Variants in FSD2 observed in about 807,000 individuals in gnomAD.
The protein encoded by FSD2 is fibronectin type III and SPRY domain containing 2, also known as fibronectin type III and SPRY domain-containing protein 2.
A neutral mutation model predicts 80.4 loss-of-function variants in FSD2; 71 were observed. The observed-to-expected ratio is 0.88, with a 90% CI of 0.73 to 1.08. The LOEUF is 1.08. Ranked by LOEUF, FSD2 falls within the 50% of genes least tolerant of loss-of-function variation. FSD2 has a pLI of 0.00. For synonymous variants in FSD2, 361 were observed against 329.5 expected (o/e 1.10, Z -1.03); for missense variants, 923 against 913.8 (o/e 1.01, Z -0.13).
intron 7 of FSD2, 45 bp from the exon 8 acceptor site, chr15:82,769,929 A>T (rs1281918385): frequency 6.2e-7 from 1 of 1,608,174 alleles, no homozygotes; most frequent in Admixed American, 1.7e-5. Context: ...AAACTGGCCA[A>T]GTGGCTCCAA....
At chr15:82,781,639 G>A (rs1218043817) in intron 4 of FSD2, among the ~76,000 whole-genome samples, 2 of 152,126 alleles carry the variant, frequency 1.3e-5, no homozygotes, top group East Asian at 1.9e-4. Flanking sequence ...TTTTTTGCAT[G>A]TCTGAGTTCG....
At chr15:82,790,983 G>A (rs994076944) in intron 1 of FSD2, among the ~76,000 whole-genome samples, 1 of 151,700 alleles carries the variant, frequency 6.6e-6, no homozygotes, top group Admixed American at 6.6e-5. Context: ...TAGTGGTTTC[G>A]TTTTTTGTTT....
Position 82,786,548 on chromosome 15 carries a change from A to G in FSD2, c.698T>C (p.Phe233Ser). The G allele has an allele frequency of 6.2e-7, 1 of 1,613,646 alleles. No individual in the cohort carries two copies. Among genetic ancestry groups the G allele is most frequent in the Non-Finnish European group, 8.5e-7 (1 of 1,179,710 alleles). The change falls in exon 3 of 13, where the codon TTT becomes TCT. Residue 233 changes from phenylalanine (F) to serine (S), a missense_variant. Phe to Ser is a radical substitution (Grantham distance 155, BLOSUM62 -2). Transcript: ENST00000334574. ...GAAAACCTCCTCCAAATGATTTGCA[A>G]AGTTTTCCATCTCAATTATCTGCTT... Reference protein sequence around the residue: ...LEKQIIEMENFANHLEEVFIT... With the variant: ...LEKQIIEMENSANHLEEVFIT...
chr15:82,779,126 CAG>C (rs2049790011), intron 5 of FSD2, among the ~76,000 whole-genome samples: 1 of 152,038 alleles, frequency 6.6e-6, no homozygotes, highest in South Asian at 2.1e-4. Flanking sequence ...AAGGTCATGT[CAG>C]AGGGTGGGTA....
intron 4 of FSD2, among the ~76,000 whole-genome samples, chr15:82,780,627 C>G (rs113490990): frequency 0.016 from 2,455 of 151,920 alleles, 69 homozygotes; most frequent in African/African-American, 0.057. Context: ...GCCACCGTGC[C>G]TGGCTGGAAA....
intron 7 of FSD2, among the ~76,000 whole-genome samples, chr15:82,770,467 C>T (rs964765513): frequency 6.6e-6 from 1 of 152,066 alleles, no homozygotes. Flanking sequence ...GTCAGGAGAT[C>T]GAGACCATCC....
intron 4 of FSD2, among the ~76,000 whole-genome samples, chr15:82,780,781 A>G (rs1293184083): frequency 6.6e-6 from 1 of 152,080 alleles, no homozygotes; most frequent in East Asian, 1.9e-4. Flanking sequence ...TAAACATAGA[A>G]GAAAACTTGG....
chr15:82,762,066 CAAATTTT>C, intron 12 of FSD2, 29 bp downstream of exon 12: 2 of 1,513,136 alleles, frequency 1.3e-6, no homozygotes, highest in Non-Finnish European at 1.8e-6. Context: ...CTTTCAAAAG[CAAATTTT>C]AATTGTGAGT....
Position 82,769,740 on chromosome 15 carries a change from A to G in FSD2, c.1402+10T>C. The G allele has an allele frequency of 6.2e-7, 1 of 1,601,076 alleles. No homozygotes were observed. The highest frequency in any genetic ancestry group is 8.5e-7 in the Non-Finnish European group (1 of 1,169,664). The stretch of plus-strand genomic sequence containing the variant: ...GAAAGCCCTGCTATAGGAAATGAGT[A>G]GCCCATTACCTGTCATGTACACTGC... On this transcript the variant is annotated intron_variant, in intron 8 of 12. Coordinates refer to ENST00000334574, the MANE Select transcript of FSD2 (RefSeq NM_001007122.4).
Position 82,772,244 on chromosome 15 carries a change from A to C in FSD2, c.1112-16T>G. Reference sequence around the variant, plus strand: ...GCAGAAGGAGCTAGGAAAAGAAAAGAAAAAAGAAGAGGAACCTCTAATAGA... The same window carrying C: ...GCAGAAGGAGCTAGGAAAAGAAAAGCAAAAAGAAGAGGAACCTCTAATAGA... On this transcript the variant is annotated splice_polypyrimidine_tract_variant and intron_variant, in intron 6 of 12. Coordinates refer to ENST00000334574, the MANE Select transcript of FSD2 (RefSeq NM_001007122.4). The C allele has an allele frequency of 6.3e-7, 1 of 1,598,478 alleles. No homozygotes were observed. The highest frequency in any genetic ancestry group is 1.1e-5 in the South Asian group (1 of 88,280).
At chr15:82,775,265 G>A (rs1249800769) in intron 6 of FSD2, among the ~76,000 whole-genome samples, 2 of 151,820 alleles carry the variant, frequency 1.3e-5, no homozygotes, top group Admixed American at 1.3e-4. Flanking sequence ...AGGCATGGTA[G>A]CGGGTGCCTG....
intron 11 of FSD2, among the ~76,000 whole-genome samples, chr15:82,763,012 C>T (rs1178440961): frequency 6.6e-6 from 1 of 152,200 alleles, no homozygotes; most frequent in Non-Finnish European, 1.5e-5. Context: ...TTTCTCTCTA[C>T]TTTCAAAACC....
At chr15:82,762,515 G>C (rs530075367) in intron 11 of FSD2, among the ~76,000 whole-genome samples, 2 of 152,154 alleles carry the variant, frequency 1.3e-5, no homozygotes, top group Non-Finnish European at 2.9e-5. Context: ...TAAACCAACA[G>C]AACAAGTTTT....
intron 1 of FSD2, among the ~76,000 whole-genome samples, chr15:82,788,334 A>G (rs1298821322): frequency 1.9e-5 from 2 of 104,246 alleles, no homozygotes; most frequent in South Asian, 6.3e-4. Flanking sequence ...TGTCTCTACC[A>G]AAAATACAAA....
chr15:82,778,525 C>G (rs1238968071), intron 6 of FSD2, among the ~76,000 whole-genome samples: 2 of 151,852 alleles, frequency 1.3e-5, no homozygotes, highest in East Asian at 3.9e-4. Flanking sequence ...TTGTGGTTGC[C>G]AGGGGCTTGG....
At chr15:82,794,158 C>G (rs2050209081) in intron 1 of FSD2, among the ~76,000 whole-genome samples, 1 of 152,000 alleles carries the variant, frequency 6.6e-6, no homozygotes, top group Non-Finnish European at 1.5e-5. Context: ...TTGCTGTACC[C>G]TACAAGTTTT....
In FSD2 at chr15:82,772,163, A is replaced by G. The variant is rs1185824442; in HGVS notation, c.1177T>C (p.Cys393Arg). Residue 393 changes from cysteine (C) to arginine (R), a missense_variant, in exon 7 of 13, where the codon TGC becomes CGC. By Grantham distance (180) the Cys-to-Arg change is radical (BLOSUM62 -3). Coordinates refer to ENST00000334574, the MANE Select transcript of FSD2 (RefSeq NM_001007122.4). ...NSATGSSVRVCWSLYSDDTVE... is the reference protein window; with the variant it reads ...NSATGSSVRVRWSLYSDDTVE... ...GTGTCGTCGGAGTATAAGCTCCAGCACACTCGGACTGAGGAACCTGTGGCT... is the reference window on the plus strand; with the variant it reads ...GTGTCGTCGGAGTATAAGCTCCAGCGCACTCGGACTGAGGAACCTGTGGCT... 1 of 1,612,482 alleles carries G rather than the reference A, an allele frequency of 6.2e-7. No individual in the cohort carries two copies. Among genetic ancestry groups the G allele is most frequent in the African/African-American group, 1.3e-5 (1 of 74,900 alleles).
At chr15:82,766,117 T>G (rs1016759913) in intron 9 of FSD2, 86 bp from the exon 10 acceptor site, 1 of 1,418,258 alleles carries the variant, frequency 7.1e-7, no homozygotes, top group Non-Finnish European at 9.4e-7. Context: ...GCTGGAAGGT[T>G]TAACTCACTC....
chr15:82,762,273 A>C lies in FSD2; in HGVS notation c.1826T>G (p.Val609Gly). 1 of 1,613,588 alleles carries C rather than the reference A, an allele frequency of 6.2e-7. No homozygotes were observed. Among genetic ancestry groups the C allele is most frequent in the South Asian group, 1.1e-5 (1 of 91,006 alleles). The change falls in exon 12 of 13, where the codon GTT (valine) becomes GGT (glycine). Residue 609 changes from valine (V) to glycine (G), a missense_variant. Physicochemically the swap from Val to Gly is moderately radical, Grantham distance 109 (BLOSUM62 -3). Coordinates refer to ENST00000334574, the MANE Select transcript of FSD2 (RefSeq NM_001007122.4). The stretch of plus-strand genomic sequence containing the variant: ...TGGAATTAGATTTCCCATGACAGCA[A>C]CACACCTGGTTTTAGAAAGTGGAAG... ...SPSDTHFTRC[V>G]AVMGNLIPVR... is the part of the protein sequence containing the mutation.
Sources: gnomAD v4.1 joint callset for allele counts (sites outside exome capture counted in the v4.1 genomes callset) on GRCh38, gnomAD v4.1.1 for gene constraint, MANE v1.5 for transcripts, NCBI Gene and HGNC (gene_info 2026-07-23, HGNC 2026-07-21) for gene names.